The following MIB1 variants were observed in gnomAD, a reference collection of about 807,000 sequenced individuals.
MIB1 encodes the protein MIB E3 ubiquitin protein ligase 1, also known as E3 ubiquitin-protein ligase MIB1.
A neutral mutation model predicts 124.5 loss-of-function variants in MIB1; 278 were observed. The observed-to-expected ratio is 2.23, with a 90% confidence interval of 2.02 to 2.47. The LOEUF is 2.47. MIB1 is among the 30% of genes most tolerant of loss of function. The pLI, the probability that MIB1 is intolerant of heterozygous loss-of-function variation, is 0.00. For missense variants in MIB1, 957 were observed against 1,254.4 expected (o/e 0.76, Z 3.58); for synonymous variants, 446 against 429.4 (o/e 1.04, Z -0.48).
chr18:21,724,364 CAT>C (rs1188617051), intron 1 of MIB1: 1 of 151,896 alleles, frequency 6.6e-6, no homozygotes, highest in Admixed American at 6.6e-5. Flanking sequence ...AAAATCATAA[CAT>C]ATACATTTAA....
At chr18:21,819,811 G>A (rs551149574) in intron 12 of MIB1, among the ~76,000 whole-genome samples, 165 bp downstream of exon 12, 1 of 151,934 alleles carries the variant, frequency 6.6e-6, no homozygotes, top group African/African-American at 2.4e-5. Flanking sequence ...TGATTATTTG[G>A]TTGTTAATCT....
intron 2 of MIB1, among the ~76,000 whole-genome samples, chr18:21,767,700 A>G (rs2041178441): frequency 6.6e-6 from 1 of 152,010 alleles, no homozygotes; most frequent in African/African-American, 2.4e-5. Context: ...GGCGCCCGCC[A>G]CCACACCCAG....
rs112198426 is a variant in MIB1 at position 21,707,625 on chromosome 18, T to C, written n.167+2502T>C. The stretch of plus-strand genomic sequence containing the variant: ...CCAGAAGGAAGAAACTCCAAACACA[T>C]CCGAAGATCAGAAGGAACCAACTCT... On this transcript the variant is annotated intron_variant and non_coding_transcript_variant, in intron 1 of 20. Coordinates refer to the MIB1 transcript ENST00000578646. Among the ~76,000 whole-genome samples the C allele has an allele frequency of 2.8e-3, 430 of 152,098 alleles. 3 individuals carry two copies. The highest frequency in any genetic ancestry group is 0.01 in the African/African-American group (415 of 41,480).
chr18:21,765,367 A>G (rs2041144892), intron 1 of MIB1, among the ~76,000 whole-genome samples: 2 of 152,204 alleles, frequency 1.3e-5, no homozygotes. Context: ...ATGAAGGCAA[A>G]ATGGTCTTTT....
Position 21,815,813 on chromosome 18 carries a change from G to T in MIB1, c.1677G>T (p.Gln559His). Residue 559 changes from glutamine to histidine, a missense_variant and splice_region_variant, in exon 11 of 21, where the codon CAG becomes CAT. Gln to His is a conservative substitution (Grantham distance 24, BLOSUM62 0). Transcript: ENST00000261537. ...LLDFGCHPSL[Q>H]DSEGDTPLHD... is the part of the protein sequence containing the mutation. ...ACTTTGGCTGTCATCCCAGTCTCCA[G>T]GTAAAACCTTTAAAGAAACACATCC... The T allele has an allele frequency of 6.2e-7, 1 of 1,613,782 alleles. No homozygotes were observed. The highest frequency in any genetic ancestry group is 8.5e-7 in the Non-Finnish European group (1 of 1,179,762).
intron 1 of MIB1, among the ~76,000 whole-genome samples, chr18:21,725,486 C>T (rs982936264): frequency 6.6e-6 from 1 of 152,124 alleles, no homozygotes. Context: ...AGCCTGCAGT[C>T]GAAATCTGCT....
intron 1 of MIB1, among the ~76,000 whole-genome samples, chr18:21,747,164 A>G (rs2040921026): frequency 6.6e-6 from 1 of 152,186 alleles, no homozygotes; most frequent in African/African-American, 2.4e-5. Context: ...TTCCTCATAG[A>G]TCCTACCTAT....
chr18:21,843,018 G>A, intron 13 of MIB1, 113 bp from the exon 14 acceptor site: 1 of 658,620 alleles, frequency 1.5e-6, no homozygotes. Flanking sequence ...GCAGCTGAAG[G>A]AGAAAGTAGC....
At chr18:21,861,777 A>G (rs988600724) in intron 20 of MIB1, among the ~76,000 whole-genome samples, 2 of 152,360 alleles carry the variant, frequency 1.3e-5, no homozygotes, top group East Asian at 1.9e-4. Context: ...AGGATATACT[A>G]ATCTCAAAGT....
intron 4 of MIB1, 49 bp from the exon 5 acceptor site, chr18:21,778,042 TCAGATACTGAGC>T (rs2041311834): frequency 1.8e-6 from 2 of 1,141,506 alleles, no homozygotes; most frequent in East Asian, 4.7e-5. Flanking sequence ...CTTGCCTGTT[TCAGATACTGAGC>T]CATATTTGAA....
chr18:21,865,037 C>T lies in MIB1; in HGVS notation c.*371C>T, dbSNP rs956132992. 2 of 158,506 alleles carry T rather than the reference C, an allele frequency of 1.3e-5. No homozygotes were observed. The highest frequency in any genetic ancestry group is 2.4e-5 in the African/African-American group (1 of 41,584). The allele number at this position is 158,506 out of a possible 1,614,324, so 9.8% of individuals were successfully genotyped here. A position where few individuals can be genotyped will look rare whatever the true frequency, so the allele number is the denominator to read the frequency against. On this transcript the variant is annotated 3_prime_UTR_variant, in exon 21 of 21. Coordinates refer to ENST00000261537, the MANE Select transcript of MIB1 (RefSeq NM_020774.4). ...TGTGATCAGTTATCCTTCATTTCAT[C>T]GTGGTTTTACACAGTGAGTTGATAA...
intron 1 of MIB1, among the ~76,000 whole-genome samples, chr18:21,754,043 C>T (rs112837922): frequency 4.1e-4 from 62 of 152,300 alleles, no homozygotes; most frequent in African/African-American, 1.5e-3. Context: ...CATCTCTGCC[C>T]TGTGAGGCTG....
chr18:21,800,350 A>G (rs1393849540), intron 9 of MIB1, among the ~76,000 whole-genome samples: 1 of 152,044 alleles, frequency 6.6e-6, no homozygotes, highest in Non-Finnish European at 1.5e-5. Context: ...TTGTGAGTAC[A>G]TAGCAGATGT....
rs2042319178 is a variant in MIB1, at chr18:21,866,038, T to A, written c.*1372T>A. The stretch of plus-strand genomic sequence containing the variant: ...CATTGCTGCTAGATTATATCAGGTG[T>A]TTACATAGTGTCTACTATATGCTGT... On this transcript the variant is annotated 3_prime_UTR_variant, in exon 21 of 21. Transcript: ENST00000261537. 1 of 152,238 alleles carries A rather than the reference T, an allele frequency of 6.6e-6. No individual in the cohort carries two copies. Among genetic ancestry groups the A allele is most frequent in the South Asian group, 2.1e-4 (1 of 4,836 alleles). 9.4% of individuals were successfully genotyped at this position (152,238 alleles called of 1,614,324 possible).
In MIB1 at chr18:21,749,843, T is replaced by C. The variant is rs906137881; in HGVS notation, c.229+8031T>C. Among the ~76,000 whole-genome samples the C allele has an allele frequency of 3.9e-5, 6 of 152,120 alleles. No individual in the cohort carries two copies. In the South Asian group the frequency reaches 1.0e-3, roughly 26 times the overall value. On this transcript the variant is annotated intron_variant, in intron 1 of 20. Coordinates refer to ENST00000261537, the MANE Select transcript of MIB1 (RefSeq NM_020774.4). ...TTTCAGTAGAGACCGTGTTTCCCCA[T>C]GTTGGTCAGGCTGGTCTCGAACTCC... is the stretch of plus-strand genomic sequence containing the variant.
chr18:21,753,284 G>A (rs2040995476), intron 1 of MIB1, among the ~76,000 whole-genome samples: 1 of 151,996 alleles, frequency 6.6e-6, no homozygotes, highest in South Asian at 2.1e-4. Context: ...GGCTTCACAG[G>A]TTCAAGCGAT....
rs373523260 is a variant in MIB1, at chr18:21,773,665, C to T, written c.573C>T (p.Ser191=). The T allele has an allele frequency of 2.3e-5, 37 of 1,609,022 alleles. No homozygotes were observed. Among genetic ancestry groups the T allele is most frequent in the Middle Eastern group, 3.3e-4 (2 of 6,078 alleles). The change falls in exon 4 of 21, where the codon AGC becomes AGT. Residue 191 remains serine (S), a synonymous_variant. Transcript: ENST00000261537. ...IQDWSASSPH[S]AAYVLWDNGA... is the part of the protein sequence containing the mutation. The stretch of plus-strand genomic sequence containing the variant: ...ACTGGAGTGCATCAAGCCCACATAG[C>T]GCAGCATATGTCCTCTGGGATAATG...
chr18:21,842,474 ATGGAGTTT>A, intron 13 of MIB1, among the ~76,000 whole-genome samples: 1 of 152,216 alleles, frequency 6.6e-6, no homozygotes, highest in Non-Finnish European at 1.5e-5. Context: ...GAAGTAGATG[ATGGAGTTT>A]TGACCTAGGT....
intron 16 of MIB1, among the ~76,000 whole-genome samples, chr18:21,847,965 T>C (rs2042149021): frequency 6.6e-6 from 1 of 152,242 alleles, no homozygotes; most frequent in Admixed American, 6.5e-5. Flanking sequence ...TTGCCCTTTG[T>C]ACCTGGTTCT....
Sources: allele counts gnomAD v4.1 joint callset (sites outside exome capture counted in the v4.1 genomes callset), GRCh38; gene constraint gnomAD v4.1.1; transcripts MANE v1.5; gene names NCBI Gene and HGNC (gene_info 2026-07-23, HGNC 2026-07-21).